Variants in DYSF observed in about 807,000 individuals in gnomAD.
The protein encoded by DYSF is dystrophy-associated fer-1-like 1.
DYSF carries 212 observed loss-of-function variants against 274.9 expected under a neutral mutation model. That is an observed-to-expected ratio of 0.77 (90% CI 0.69 to 0.86). The LOEUF is 0.86. DYSF is among the 40% of genes least tolerant of loss of function. The probability of loss-of-function intolerance (pLI) is 0.00; values close to 1 mark genes in which losing one functional copy is unlikely to be tolerated. For synonymous variants in DYSF, 1,091 were observed against 1,078.7 expected (o/e 1.01, Z -0.22); for missense variants, 2,666 against 2,783.2 (o/e 0.96, Z 0.95).
intron 1 of DYSF, among the ~76,000 whole-genome samples, chr2:71,457,118 T>C (rs2081100076): frequency 6.6e-6 from 1 of 152,132 alleles, no homozygotes; most frequent in Admixed American, 6.5e-5. Context: ...CCACCAACAG[T>C]CCTATGAAAG....
At chr2:71,638,292 T>C (rs943918068) in intron 41 of DYSF, among the ~76,000 whole-genome samples, 1 of 150,312 alleles carries the variant, frequency 6.7e-6, no homozygotes, top group Non-Finnish European at 1.5e-5. Flanking sequence ...TACAGTTTAA[T>C]GGTTTGTAGT....
intron 38 of DYSF, 103 bp downstream of exon 38, chr2:71,611,729 C>A: frequency 7.1e-7 from 1 of 1,399,592 alleles, no homozygotes. Context: ...CTGCGGGATC[C>A]AGGGTAGGAC....
At chr2:71,659,677 C>T (rs1312696039) in intron 44 of DYSF, among the ~76,000 whole-genome samples, 4 of 152,048 alleles carry the variant, frequency 2.6e-5, no homozygotes, top group African/African-American at 9.7e-5. Context: ...CATTTTGTGC[C>T]CAAGATAAGT....
rs751669762 is a variant in DYSF at position 71,656,452 on chromosome 2, C to G, written c.4755+162C>G. ...GATGGTGATGCCGCTGACGCAGAAT[C>G]TGACTGGTGATGGGATGGTGTTGGG... On this transcript the variant is annotated intron_variant, in intron 43 of 55. Transcript: ENST00000410020. 3.9e-5 allele frequency among the ~76,000 whole-genome samples: 6 copies of G among 151,914 alleles called. No individual in the cohort carries two copies. The South Asian group carries it at 6.3e-4, about 16-fold the overall frequency.
chr2:71,669,588 A>G lies in DYSF; in HGVS notation c.5643-17A>G. On this transcript the variant is annotated splice_polypyrimidine_tract_variant and intron_variant, in intron 50 of 55. Coordinates refer to ENST00000410020, the MANE Select transcript of DYSF (RefSeq NM_001130987.2). ...AAATCTTAATGAGAACTATTCTCTA[A>G]AAACATGTATGTCTAGTTGGATGAT... 1.2e-6 allele frequency: 2 copies of G among 1,614,208 alleles called. No homozygotes were observed. The highest frequency in any genetic ancestry group is 2.2e-5 in the South Asian group (2 of 91,086).
At chr2:71,601,575 C>T (rs757323319) in intron 35 of DYSF, 47 bp downstream of exon 35, 1 of 1,613,076 alleles carries the variant, frequency 6.2e-7, no homozygotes, top group South Asian at 1.1e-5. Context: ...TTGCCAGTCT[C>T]CCTGTGTTTG....
chr2:71,611,782 C>T (rs1338019253), intron 38 of DYSF, among the ~76,000 whole-genome samples, 156 bp downstream of exon 38: 2 of 152,184 alleles, frequency 1.3e-5, no homozygotes, highest in Admixed American at 6.5e-5. Context: ...CTCATACCCT[C>T]CTCACTGGAA....
intron 1 of DYSF, among the ~76,000 whole-genome samples, chr2:71,478,413 G>A (rs11676736): frequency 0.42 from 64,235 of 151,424 alleles, 14,624 homozygotes; most frequent in East Asian, 0.69. Flanking sequence ...GGGTTTCACC[G>A]TGTTAGCCAG....
At chr2:71,618,091 G>GGT (rs1185321498) in intron 40 of DYSF, among the ~76,000 whole-genome samples, 57 of 10,002 alleles carry the variant, frequency 5.7e-3, no homozygotes, top group Non-Finnish European at 5.7e-3. Flanking sequence ...GTAGAGATGG[G>GGT]GTGTGTGTGT....
chr2:71,664,887 C>G (rs2094966806), intron 46 of DYSF, among the ~76,000 whole-genome samples: 1 of 152,238 alleles, frequency 6.6e-6, no homozygotes, highest in African/African-American at 2.4e-5. Context: ...TTCCCACCAT[C>G]TCAAGTCTTC....
At chr2:71,651,315 T>C (rs1183149479) in intron 42 of DYSF, among the ~76,000 whole-genome samples, 2 of 151,962 alleles carry the variant, frequency 1.3e-5, no homozygotes, top group African/African-American at 4.8e-5. Context: ...TTTAGAGAAG[T>C]AGAGAAAACC....
At chr2:71,497,868 G>A (rs1005295507) in intron 3 of DYSF, among the ~76,000 whole-genome samples, 1 of 152,158 alleles carries the variant, frequency 6.6e-6, no homozygotes, top group African/African-American at 2.4e-5. Context: ...AAAGACCTAA[G>A]TGTCTAACTT....
intron 43 of DYSF, among the ~76,000 whole-genome samples, chr2:71,658,039 C>T (rs555865776): frequency 4.1e-4 from 62 of 152,320 alleles, no homozygotes; most frequent in Non-Finnish European, 7.9e-4. Flanking sequence ...AACTTTTATG[C>T]TCTGTTTCCC....
chr2:71,470,745 C>A (rs11695052), intron 1 of DYSF, among the ~76,000 whole-genome samples: 1 of 102,284 alleles, frequency 9.8e-6, no homozygotes, highest in East Asian at 2.9e-4. Flanking sequence ...TCTTTCCTTC[C>A]TTCCTTCCTT....
At chr2:71,535,549 A>G (rs1466186776) in intron 16 of DYSF, among the ~76,000 whole-genome samples, 1 of 151,654 alleles carries the variant, frequency 6.6e-6, no homozygotes, top group Middle Eastern at 3.2e-3. Flanking sequence ...GGGCAGAAGG[A>G]GCTGGGAAGG....
chr2:71,516,250 T>G lies in DYSF; in HGVS notation c.951+8T>G, dbSNP rs2086639271. The G allele has an allele frequency of 1.2e-6, 2 of 1,613,964 alleles. No homozygotes were observed. Among genetic ancestry groups the G allele is most frequent in the Non-Finnish European group, 1.7e-6 (2 of 1,179,834 alleles). On this transcript the variant is annotated splice_region_variant and intron_variant, in intron 9 of 55. Transcript: ENST00000410020. Reference sequence around the variant, plus strand: ...GAGCCCATCTTTATCACGGTATGTCTCAGCAGTCAAAGTGTTCTCCGTGGG... The same window carrying G: ...GAGCCCATCTTTATCACGGTATGTCGCAGCAGTCAAAGTGTTCTCCGTGGG...
intron 22 of DYSF, among the ~76,000 whole-genome samples, chr2:71,557,624 T>C (rs2091430210): frequency 6.7e-6 from 1 of 148,680 alleles, no homozygotes; most frequent in Non-Finnish European, 1.5e-5. Context: ...ACTAAGACAG[T>C]GATAGTGGGA....
At chr2:71,661,356 A>G (rs1020303845) in intron 45 of DYSF, among the ~76,000 whole-genome samples, 1 of 152,188 alleles carries the variant, frequency 6.6e-6, no homozygotes, top group African/African-American at 2.4e-5. Flanking sequence ...ATTTGTCAAA[A>G]TGAAGAAATC....
intron 41 of DYSF, among the ~76,000 whole-genome samples, chr2:71,636,648 A>G (rs977758880): frequency 1.3e-5 from 2 of 152,168 alleles, no homozygotes; most frequent in Non-Finnish European, 2.9e-5. Context: ...TCACATGGGC[A>G]GCTGGAGTCC....
Sources: allele counts gnomAD v4.1 joint callset (sites outside exome capture counted in the v4.1 genomes callset), GRCh38; gene constraint gnomAD v4.1.1; transcripts MANE v1.5; gene names NCBI Gene and HGNC (gene_info 2026-07-23, HGNC 2026-07-21).